The following MGST2 variants were observed in gnomAD, a reference collection of about 807,000 sequenced individuals.
MGST2 encodes microsomal glutathione S-transferase 2.
In MGST2, 9 loss-of-function variants were observed where a neutral mutation model predicts 16.6. That is an observed-to-expected ratio of 0.54 (90% CI 0.33 to 0.95). The LOEUF (loss-of-function observed/expected upper bound fraction) is 0.95, where lower values mean the gene tolerates loss of function less well. Among genes scored for constraint, MGST2 ranks in the 40% least tolerant of loss-of-function variants. The probability of loss-of-function intolerance (pLI) is 0.03; values close to 1 mark genes in which losing one functional copy is unlikely to be tolerated. For missense variants in MGST2, 159 were observed against 175.1 expected (o/e 0.91, Z 0.52); for synonymous variants, 79 against 68.0 (o/e 1.16, Z -0.79).
chr4:139,717,883 C>T (rs1274964548), intron 5 of MGST2: 6 of 152,112 alleles, frequency 3.9e-5, no homozygotes, highest in Admixed American at 3.3e-4. Context: ...TGACAGATTT[C>T]GCTTAGGGCA....
chr4:139,707,414 G>T (rs557843531), downstream of MGST2, among the ~76,000 whole-genome samples: 42 of 151,944 alleles, frequency 2.8e-4, no homozygotes, highest in African/African-American at 9.4e-4. Flanking sequence ...GTATTCCATG[G>T]TGTATATGTG....
At chr4:139,710,743 T>A (rs1264814031) in intron 5 of MGST2, among the ~76,000 whole-genome samples, 1 of 152,220 alleles carries the variant, frequency 6.6e-6, no homozygotes, top group African/African-American at 2.4e-5. Flanking sequence ...TTGTGTATAT[T>A]AAAACTTACC....
At chr4:139,751,482 A>G in the MGST2 span, among the ~76,000 whole-genome samples, 1 of 152,234 alleles carries the variant, frequency 6.6e-6, no homozygotes, top group Non-Finnish European at 1.5e-5. Flanking sequence ...CAAAGTTTTG[A>G]CTGCATTTTG....
At chr4:139,703,831 C>G (rs1030593980) in intron 4 of MGST2, among the ~76,000 whole-genome samples, 185 bp from the exon 5 acceptor site, 2 of 152,182 alleles carry the variant, frequency 1.3e-5, no homozygotes, top group Non-Finnish European at 2.9e-5. Context: ...TTTGAATGTT[C>G]AAAGAAACCA....
At chr4:139,709,325 C>T (rs962234421) in intron 5 of MGST2, among the ~76,000 whole-genome samples, 13 of 151,972 alleles carry the variant, frequency 8.6e-5, no homozygotes, top group Non-Finnish European at 1.8e-4. Flanking sequence ...CCTCATGATC[C>T]GCCCACCTCA....
chr4:139,708,426 C>CT (rs1359171441), downstream of MGST2, among the ~76,000 whole-genome samples: 1 of 151,576 alleles, frequency 6.6e-6, no homozygotes, highest in Non-Finnish European at 1.5e-5. Flanking sequence ...ATCTATATCT[C>CT]TTTTTTGGTA....
At chr4:139,736,961 G>C (rs370234243) in intron 5 of MGST2, among the ~76,000 whole-genome samples, 3 of 152,326 alleles carry the variant, frequency 2.0e-5, no homozygotes, top group East Asian at 3.9e-4. Flanking sequence ...GCTCAGGCCA[G>C]TGATGTTTGC....
intron 5 of MGST2, among the ~76,000 whole-genome samples, chr4:139,726,496 A>G (rs975638726): frequency 6.6e-6 from 1 of 152,180 alleles, no homozygotes; most frequent in African/African-American, 2.4e-5. Context: ...TTTGACATGG[A>G]CTGCCCAACA....
intron 5 of MGST2, chr4:139,719,570 C>T (rs1200894327): frequency 1.2e-6 from 2 of 1,613,530 alleles, no homozygotes; most frequent in Admixed American, 1.7e-5. Context: ...CGCTGGCATG[C>T]CTGGGACTCC....
chr4:139,716,645 T>C (rs1290264169), intron 5 of MGST2: 1 of 152,580 alleles, frequency 6.6e-6, no homozygotes, highest in African/African-American at 2.4e-5. Context: ...AAGAATGATA[T>C]CAAAATTTTG....
At chr4:139,719,315 T>A (rs753780876) in intron 5 of MGST2, 1 of 1,556,438 alleles carries the variant, frequency 6.4e-7, no homozygotes, top group South Asian at 1.2e-5. Flanking sequence ...TCTTGGGGCC[T>A]CTCTTGATTA....
chr4:139,692,038 G>A (rs914399956), intron 2 of MGST2, among the ~76,000 whole-genome samples: 1 of 152,140 alleles, frequency 6.6e-6, no homozygotes, highest in African/African-American at 2.4e-5. Flanking sequence ...CAAGAAATGG[G>A]CAAAGTCTCA....
chr4:139,744,370 C>G (rs911626027), downstream of MGST2, among the ~76,000 whole-genome samples: 3 of 152,096 alleles, frequency 2.0e-5, no homozygotes, highest in Non-Finnish European at 4.4e-5. Context: ...ACAAATAAAA[C>G]AAATAAGCAA....
intron 5 of MGST2, among the ~76,000 whole-genome samples, chr4:139,727,046 GT>G (rs1728503037): frequency 6.6e-6 from 1 of 152,178 alleles, no homozygotes; most frequent in South Asian, 2.1e-4. Flanking sequence ...GTTCTTTAGA[GT>G]GTTCATTATA....
At position 139,720,225 on chromosome 4, in the gene MGST2, C is replaced by G. The variant is rs1288265653; in HGVS notation, c.*48+16029C>G. The G allele has an allele frequency of 1.9e-6, 3 of 1,612,412 alleles. No individual in the cohort carries two copies. In the African/African-American group the frequency reaches 4.0e-5, roughly 21 times the overall value. ...ATCGTCCCAGGGTTCTGGGAGGGTC[C>G]TATTCCCATCATGCCTGCGTTCTGT... On this transcript the variant is annotated intron_variant, in intron 5 of 5. Coordinates refer to the MGST2 transcript ENST00000616265.
chr4:139,721,951 T>A (rs1472305045), intron 5 of MGST2, among the ~76,000 whole-genome samples: 1 of 152,206 alleles, frequency 6.6e-6, no homozygotes, highest in Non-Finnish European at 1.5e-5. Context: ...GTTATTGAGT[T>A]GTTTATAAAA....
chr4:139,693,885 C>T (rs926232390), intron 2 of MGST2, among the ~76,000 whole-genome samples: 3 of 152,182 alleles, frequency 2.0e-5, no homozygotes, highest in Non-Finnish European at 4.4e-5. Flanking sequence ...TGGTCACTCT[C>T]CTGGCCCTTA....
At chr4:139,666,330 G>A (rs544806306) in intron 1 of MGST2, among the ~76,000 whole-genome samples, 1 of 152,180 alleles carries the variant, frequency 6.6e-6, no homozygotes, top group South Asian at 2.1e-4. Flanking sequence ...GGAACGCTGT[G>A]GGGCCTCAGA....
intron 1 of MGST2, among the ~76,000 whole-genome samples, chr4:139,670,940 T>C (rs1475486757): frequency 6.6e-6 from 1 of 150,914 alleles, no homozygotes; most frequent in African/African-American, 2.4e-5. Context: ...GGTCATGTGA[T>C]GCTATACCAG....
Sources: gnomAD v4.1 joint callset for allele counts (sites outside exome capture counted in the v4.1 genomes callset) on GRCh38, gnomAD v4.1.1 for gene constraint, MANE v1.5 for transcripts, NCBI Gene and HGNC (gene_info 2026-07-23, HGNC 2026-07-21) for gene names.